The following ZPBP variants were observed in gnomAD, a reference collection of about 807,000 sequenced individuals.
ZPBP encodes zona pellucida binding protein, also known as zona pellucida-binding protein 1.
ZPBP carries 26 observed loss-of-function variants against 44.8 expected under a neutral mutation model. That is an observed-to-expected ratio of 0.58 (90% CI 0.43 to 0.81). ZPBP has a LOEUF of 0.81. Ranked by LOEUF, ZPBP falls within the 30% of genes least tolerant of loss-of-function variation. The probability of loss-of-function intolerance (pLI) is 0.00; values close to 1 mark genes in which losing one functional copy is unlikely to be tolerated. For synonymous variants in ZPBP, 174 were observed against 153.2 expected (o/e 1.14, Z -1.00); for missense variants, 409 against 434.0 (o/e 0.94, Z 0.51).
chr7:49,943,087 A>G (rs1055875475), intron 7 of ZPBP: 19 of 348,238 alleles, frequency 5.5e-5, no homozygotes, highest in African/African-American at 4.1e-4. Context: ...CCTCTCAGCC[A>G]GTCATTGAGG....
downstream of ZPBP, among the ~76,000 whole-genome samples, chr7:49,847,530 T>C (rs1789990105): frequency 6.6e-6 from 1 of 152,072 alleles, no homozygotes; most frequent in Non-Finnish European, 1.5e-5. Context: ...TATGGTAAGG[T>C]CAACAGATCA....
At chr7:49,971,353 C>T (rs1796299060) in intron 7 of ZPBP, among the ~76,000 whole-genome samples, 2 of 151,876 alleles carry the variant, frequency 1.3e-5, no homozygotes, top group Non-Finnish European at 2.9e-5. Context: ...AAAAAGGGAA[C>T]AAACTTTAGC....
At chr7:50,034,398 T>C (rs1032460356) in intron 4 of ZPBP, among the ~76,000 whole-genome samples, 1 of 152,144 alleles carries the variant, frequency 6.6e-6, no homozygotes, top group Non-Finnish European at 1.5e-5. Flanking sequence ...ACAACTTATG[T>C]ATGTACAGAA....
chr7:50,034,772 T>C (rs1034057311), intron 4 of ZPBP, among the ~76,000 whole-genome samples: 18 of 152,228 alleles, frequency 1.2e-4, no homozygotes, highest in African/African-American at 4.3e-4. Context: ...TGTTCCTTTC[T>C]ACTTGTTTCA....
intron 3 of ZPBP, 121 bp downstream of exon 3, chr7:50,081,653 A>T (rs937732189): frequency 3.7e-5 from 47 of 1,271,134 alleles, no homozygotes; most frequent in Non-Finnish European, 5.2e-5. Context: ...CTCCAAAAGG[A>T]AATCACAAGA....
At chr7:50,057,454 G>A (rs983921496) in intron 4 of ZPBP, among the ~76,000 whole-genome samples, 2 of 152,096 alleles carry the variant, frequency 1.3e-5, no homozygotes, top group African/African-American at 2.4e-5. Context: ...GCCAGAAGGC[G>A]TCTCTCAGGT....
intron 2 of ZPBP, among the ~76,000 whole-genome samples, chr7:49,851,013 A>G (rs1015454159): frequency 6.6e-6 from 1 of 152,182 alleles, no homozygotes; most frequent in Admixed American, 6.5e-5. Flanking sequence ...CTCGTCCGCA[A>G]TTCTGCAGGC....
downstream of ZPBP, among the ~76,000 whole-genome samples, chr7:49,936,408 T>C (rs1385074505): frequency 6.6e-6 from 1 of 152,236 alleles, no homozygotes; most frequent in Non-Finnish European, 1.5e-5. Context: ...GTACATAGCA[T>C]GGAAAAATGA....
intron 4 of ZPBP, among the ~76,000 whole-genome samples, chr7:50,050,357 T>C (rs1027686792): frequency 5.3e-5 from 8 of 152,082 alleles, no homozygotes; most frequent in Admixed American, 4.6e-4. Context: ...TCTATATACT[T>C]ACAGTAATCA....
intron 1 of ZPBP, chr7:49,916,101 A>T (rs1197714018): frequency 6.6e-6 from 1 of 152,242 alleles, no homozygotes; most frequent in Non-Finnish European, 1.5e-5. Flanking sequence ...AGCACAGATT[A>T]AACAGCCTAC....
chr7:50,056,637 G>A (rs1461686460), intron 4 of ZPBP, among the ~76,000 whole-genome samples: 2 of 152,188 alleles, frequency 1.3e-5, no homozygotes, highest in Admixed American at 6.5e-5. Context: ...AGCAACTTGA[G>A]TTCAGGCTGT....
At chr7:50,000,414 G>C (rs1440686816) in intron 6 of ZPBP, among the ~76,000 whole-genome samples, 1 of 152,046 alleles carries the variant, frequency 6.6e-6, no homozygotes, top group African/African-American at 2.4e-5. Context: ...AGAATTTTTT[G>C]ATGACCGCAC....
chr7:49,885,695 G>A (rs1791872632), intron 2 of ZPBP, among the ~76,000 whole-genome samples: 1 of 152,212 alleles, frequency 6.6e-6, no homozygotes, highest in Admixed American at 6.5e-5. Context: ...TAGTGATCAG[G>A]AATAGATACA....
chr7:49,944,003 T>C (rs910632833), intron 7 of ZPBP: 2 of 289,866 alleles, frequency 6.9e-6, no homozygotes, highest in Admixed American at 4.6e-5. Flanking sequence ...CTTTGTGACA[T>C]AGGGCCAAAT....
intron 4 of ZPBP, among the ~76,000 whole-genome samples, chr7:50,047,065 T>G (rs1800407665): frequency 6.6e-6 from 1 of 152,126 alleles, no homozygotes. Flanking sequence ...AAACACTGCA[T>G]GTTCTCACTC....
intron 1 of ZPBP, among the ~76,000 whole-genome samples, chr7:49,904,057 A>G (rs1792943505): frequency 6.6e-6 from 1 of 152,108 alleles, no homozygotes; most frequent in African/African-American, 2.4e-5. Flanking sequence ...TTGCCATCTT[A>G]TCTGCTCCTT....
chr7:49,957,022 G>A (rs913999153), intron 7 of ZPBP, among the ~76,000 whole-genome samples: 2 of 152,102 alleles, frequency 1.3e-5, no homozygotes, highest in African/African-American at 4.8e-5. Flanking sequence ...GACCATGAGG[G>A]CTTGGCCCTC....
At chr7:49,851,253 C>T (rs1790168575) in intron 2 of ZPBP, among the ~76,000 whole-genome samples, 1 of 152,268 alleles carries the variant, frequency 6.6e-6, no homozygotes, top group African/African-American at 2.4e-5. Context: ...GATTTAGGGC[C>T]ACTTGGGTAA....
chr7:49,862,537 GT>G (rs1790696235), intron 2 of ZPBP, among the ~76,000 whole-genome samples: 1 of 152,060 alleles, frequency 6.6e-6, no homozygotes, highest in African/African-American at 2.4e-5. Flanking sequence ...TCCTTGTCTT[GT>G]TCCTATTTTA....
Sources: allele counts gnomAD v4.1 joint callset (sites outside exome capture counted in the v4.1 genomes callset), GRCh38; gene constraint gnomAD v4.1.1; transcripts MANE v1.5; gene names NCBI Gene and HGNC (gene_info 2026-07-23, HGNC 2026-07-21).